Variants in KIAA0753 observed in about 807,000 individuals in gnomAD.
KIAA0753 encodes the protein protein moonraker.
KIAA0753 carries 114 observed loss-of-function variants against 116.9 expected under a neutral mutation model. The ratio of observed to expected loss-of-function variants is 0.98; its 90% CI spans 0.84 to 1.14. KIAA0753 has a LOEUF of 1.14. Among genes scored for constraint, KIAA0753 ranks in the 50% most tolerant of loss-of-function variants. The probability of loss-of-function intolerance (pLI) is 0.00; values close to 1 mark genes in which losing one functional copy is unlikely to be tolerated. For missense variants in KIAA0753, 1,156 were observed against 1,172.4 expected (o/e 0.99, Z 0.20); for synonymous variants, 405 against 413.1 (o/e 0.98, Z 0.24).
At chr17:6,597,208 A>G (rs1567548297) in intron 14 of KIAA0753, among the ~76,000 whole-genome samples, 1 of 152,250 alleles carries the variant, frequency 6.6e-6, no homozygotes. Flanking sequence ...GGTTACAGCT[A>G]CGGCAATTTA....
At chr17:6,583,755 T>C (rs1466600064) in intron 18 of KIAA0753, among the ~76,000 whole-genome samples, 1 of 152,256 alleles carries the variant, frequency 6.6e-6, no homozygotes, top group Admixed American at 6.5e-5. Flanking sequence ...TTTATTTCTA[T>C]GAATGCACTA....
rs541801990 is a variant in KIAA0753 at position 6,627,373 on chromosome 17, A to G, written c.718+744T>C. On this transcript the variant is annotated intron_variant, in intron 3 of 18. Transcript: ENST00000361413. The stretch of plus-strand genomic sequence containing the variant: ...GATGCATATAGGTACATATGCATAT[A>G]TTAATTAAATTGAAAATGCAAAAAA... Among the ~76,000 whole-genome samples, 8 of 152,358 alleles carry G rather than the reference A, an allele frequency of 5.3e-5. No individual in the cohort carries two copies. In the South Asian group the frequency reaches 1.7e-3, roughly 32 times the overall value.
At chr17:6,609,859 C>CA in intron 9 of KIAA0753, 135 bp downstream of exon 9, 1 of 971,186 alleles carries the variant, frequency 1.0e-6, no homozygotes, top group Non-Finnish European at 1.5e-6. Context: ...ATGACTCACC[C>CA]AAAAAAGGAT....
intron 9 of KIAA0753, among the ~76,000 whole-genome samples, chr17:6,608,869 A>G (rs1193436146): frequency 6.6e-6 from 1 of 152,152 alleles, no homozygotes; most frequent in Non-Finnish European, 1.5e-5. Context: ...TACCCACCAC[A>G]CATGCACTCT....
chr17:6,590,562 C>T lies in KIAA0753; in HGVS notation c.2509G>A (p.Asp837Asn). Residue 837 changes from aspartate to asparagine, a missense_variant, in exon 17 of 19, where the codon GAT becomes AAT. Asp to Asn is a conservative substitution (Grantham distance 23, BLOSUM62 1). Coordinates refer to ENST00000361413, the MANE Select transcript of KIAA0753 (RefSeq NM_014804.3). ...ATGTTCACGGCTGGATCCTTGCGAT[C>T]CACTGTCTTCGTGATTCTGATTGGA... is the stretch of plus-strand genomic sequence containing the variant. ...PHPIRITKTVDRKDPAVNIML... is the reference protein window; with the variant it reads ...PHPIRITKTVNRKDPAVNIML... 6.2e-7 allele frequency: 1 copy of T among 1,614,040 alleles called. No individual in the cohort carries two copies. The highest frequency in any genetic ancestry group is 1.1e-5 in the South Asian group (1 of 91,072).
intron 3 of KIAA0753, among the ~76,000 whole-genome samples, chr17:6,626,806 A>C (rs1275287248): frequency 6.6e-6 from 1 of 152,212 alleles, no homozygotes; most frequent in Non-Finnish European, 1.5e-5. Context: ...CATGTAAATA[A>C]AATAAACCAA....
chr17:6,615,000 T>C (rs189633236), intron 7 of KIAA0753, among the ~76,000 whole-genome samples: 2 of 152,298 alleles, frequency 1.3e-5, no homozygotes, highest in East Asian at 3.9e-4. Context: ...GGTTTCACCA[T>C]GTTGGCCAGG....
intron 18 of KIAA0753, among the ~76,000 whole-genome samples, chr17:6,582,667 T>G (rs1354952654): frequency 6.6e-6 from 1 of 152,246 alleles, no homozygotes; most frequent in Non-Finnish European, 1.5e-5. Context: ...CTCTTTGTTC[T>G]CTCTTCTTTC....
intron 18 of KIAA0753, among the ~76,000 whole-genome samples, chr17:6,584,784 GA>G (rs1968444768): frequency 6.6e-6 from 1 of 152,136 alleles, no homozygotes; most frequent in Non-Finnish European, 1.5e-5. Flanking sequence ...TGGTAATCTA[GA>G]TCTTCCAGTA....
rs189121330 is a variant in KIAA0753, at chr17:6,579,812, G to C, written c.2839C>G (p.Gln947Glu). The C allele has an allele frequency of 3.7e-6, 6 of 1,613,924 alleles. No homozygotes were observed. The East Asian group carries it at 1.3e-4, about 36-fold the overall frequency. ...TCTGCATAATCTTCGCACATATCCT[G>C]AAGTTCAGCAGCCACAGCACCCAGA... ...EALGAVAAEL[Q>E]DMCEDYAEAV... Residue 947 changes from glutamine to glutamate, a missense_variant, in exon 19 of 19, where the codon CAG (glutamine) becomes GAG (glutamate). Gln to Glu is a conservative substitution (Grantham distance 29, BLOSUM62 2). Coordinates refer to ENST00000361413, the MANE Select transcript of KIAA0753 (RefSeq NM_014804.3).
At chr17:6,620,632 G>A (rs1046594385) in intron 7 of KIAA0753, among the ~76,000 whole-genome samples, 156 bp downstream of exon 7, 1 of 152,128 alleles carries the variant, frequency 6.6e-6, no homozygotes, top group Non-Finnish European at 1.5e-5. Context: ...TCCAGCCCCA[G>A]GAAACATCTT....
At chr17:6,627,618 T>C (rs535578355) in intron 3 of KIAA0753, among the ~76,000 whole-genome samples, 1 of 152,286 alleles carries the variant, frequency 6.6e-6, no homozygotes, top group South Asian at 2.1e-4. Flanking sequence ...ATTCCTTCCT[T>C]CCTACCCTGT....
chr17:6,583,755 T>G (rs1466600064), intron 18 of KIAA0753, among the ~76,000 whole-genome samples: 1 of 152,256 alleles, frequency 6.6e-6, no homozygotes, highest in Admixed American at 6.5e-5. Context: ...TTTATTTCTA[T>G]GAATGCACTA....
chr17:6,606,671 T>C (rs2150815932), intron 12 of KIAA0753, among the ~76,000 whole-genome samples: 1 of 152,274 alleles, frequency 6.6e-6, no homozygotes, highest in East Asian at 1.9e-4. Context: ...ATTACAGATT[T>C]TTTTCAGTTC....
At chr17:6,626,830 C>T (rs1014543010) in intron 3 of KIAA0753, among the ~76,000 whole-genome samples, 1 of 152,158 alleles carries the variant, frequency 6.6e-6, no homozygotes, top group South Asian at 2.1e-4. Context: ...AGTCCTTCCC[C>T]ACAGAGACTT....
At position 6,596,391 on chromosome 17, in the gene KIAA0753, G is replaced by T. The variant is rs367759241; in HGVS notation, c.2173-48C>A. The T allele has an allele frequency of 7.6e-5, 102 of 1,337,604 alleles. 3 individuals carry two copies. The highest frequency in any genetic ancestry group is 1.0e-4 in the Non-Finnish European group (96 of 951,508). The allele number at this position is 1,337,604 out of a possible 1,614,324, so 82.9% of individuals were successfully genotyped here. ...GAGGAGAGGCATGGGGTGGATTAGG[G>T]GTGGGAAGGTGATATAATGAAAACA... On this transcript the variant is annotated intron_variant, in intron 14 of 18. Transcript: ENST00000361413.
rs754143064 is a variant in KIAA0753 at position 6,634,990 on chromosome 17, C to T, written c.93+21G>A. On this transcript the variant is annotated intron_variant, in intron 2 of 18. Transcript: ENST00000361413. The stretch of plus-strand genomic sequence containing the variant: ...GTTTGAAATATTTAATAATAAAAAT[C>T]TCAGGCAAAAATAGAACTACCTGGG... 4 of 1,456,572 alleles carry T rather than the reference C, an allele frequency of 2.7e-6. No individual in the cohort carries two copies. In the East Asian group the frequency reaches 9.0e-5, roughly 33 times the overall value. The allele number at this position is 1,456,572 out of a possible 1,614,324, so 90.2% of individuals were successfully genotyped here.
intron 11 of KIAA0753, 66 bp from the exon 12 acceptor site, chr17:6,607,028 C>T (rs1970240169): frequency 6.6e-7 from 1 of 1,505,044 alleles, no homozygotes; most frequent in Non-Finnish European, 9.2e-7. Flanking sequence ...CCTTGAGCTC[C>T]AGTCTTGGCT....
At chr17:6,596,477 G>T (rs1435670356) in intron 14 of KIAA0753, 134 bp from the exon 15 acceptor site, 1 of 655,726 alleles carries the variant, frequency 1.5e-6, no homozygotes, top group Non-Finnish European at 2.6e-6. Flanking sequence ...CCAAATGGCA[G>T]AGTTTCTATG....
Sources: allele counts gnomAD v4.1 joint callset (sites outside exome capture counted in the v4.1 genomes callset), GRCh38; gene constraint gnomAD v4.1.1; transcripts MANE v1.5; gene names NCBI Gene and HGNC (gene_info 2026-07-23, HGNC 2026-07-21).